Variants in NBPF26 observed in about 807,000 individuals in gnomAD.
The protein encoded by NBPF26 is NBPF family member NBPF26.
Under a neutral mutation model 119.6 loss-of-function variants are expected in NBPF26, and 79 were observed. The ratio of observed to expected loss-of-function variants is 0.66; its 90% CI spans 0.55 to 0.80. The LOEUF (loss-of-function observed/expected upper bound fraction) is 0.80, where lower values mean the gene tolerates loss of function less well. Among genes scored for constraint, NBPF26 ranks in the 30% least tolerant of loss-of-function variants. The pLI, the probability that NBPF26 is intolerant of heterozygous loss-of-function variation, is 0.00. For synonymous variants in NBPF26, 299 were observed against 457.7 expected, an observed-to-expected ratio of 0.65 and a Z score of 4.43; for missense variants, 800 against 1,198.2, an observed-to-expected ratio of 0.67 and a Z score of 4.91.
rs1235333998 is a variant in NBPF26, at chr1:120,807,968, T to A, written c.1064+259T>A. Among the ~76,000 whole-genome samples, 19 of 121,080 alleles carry A rather than the reference T, an allele frequency of 1.6e-4. 4 individuals carry two copies. Among genetic ancestry groups the A allele is most frequent in the Non-Finnish European group, 2.7e-4 (16 of 60,188 alleles). The allele number at this position is 121,080 out of a possible 152,430, so 79.4% of individuals were successfully genotyped here. A position where few individuals can be genotyped will look rare whatever the true frequency, so the allele number is the denominator to read the frequency against. ...TGTGAAATTTACATAACACAAAATT[T>A]ACCAAAGGAGTGGGAACCACCCAGC... On this transcript the variant is annotated intron_variant, in intron 6 of 29. Coordinates refer to ENST00000620612, the Ensembl canonical transcript of NBPF26.
chr1:120,812,188 C>T lies in NBPF26; in HGVS notation c.1774+93C>T, dbSNP rs1651885512. On this transcript the variant is annotated intron_variant, in intron 10 of 29. Transcript: ENST00000620612. ...ATGCTCTCTCCATCAAAAATAATGTCATCCTCCCCGTACTTCTAGGAAAAC... is the reference window on the plus strand; with the variant it reads ...ATGCTCTCTCCATCAAAAATAATGTTATCCTCCCCGTACTTCTAGGAAAAC... The T allele has an allele frequency of 3.4e-6, 3 of 894,850 alleles. 1 individual carries two copies. Among genetic ancestry groups the T allele is most frequent in the Non-Finnish European group, 1.7e-6 (1 of 588,364 alleles). The allele number at this position is 894,850 out of a possible 1,614,324, so 55.4% of individuals were successfully genotyped here.
Position 120,764,280 on chromosome 1 carries a change from A to T in NBPF26, c.155+571A>T, listed in dbSNP as rs1182048706. ...ATAAAAAAAATATATAAAAAAATAT[A>T]TATTAGATTCCCTTGTGTTTTTCAG... On this transcript the variant is annotated intron_variant, in intron 2 of 29. Coordinates refer to ENST00000620612, the Ensembl canonical transcript of NBPF26. Among the ~76,000 whole-genome samples the T allele has an allele frequency of 3.7e-5, 4 of 107,514 alleles. 1 individual carries two copies. The highest frequency in any genetic ancestry group is 3.6e-4 in the Admixed American group (4 of 11,234). 70.5% of individuals were successfully genotyped at this position (107,514 alleles called of 152,430 possible). A position where few individuals can be genotyped will look rare whatever the true frequency, so the allele number is the denominator to read the frequency against.
intron 2 of NBPF26, among the ~76,000 whole-genome samples, chr1:120,768,136 G>T (rs1351626074): frequency 9.3e-6 from 1 of 107,834 alleles, no homozygotes; most frequent in Non-Finnish European, 1.7e-5. Context: ...TTTAGGACAC[G>T]TTAGGGTGGG....
In NBPF26 at chr1:120,785,071, C is replaced by A; in HGVS notation, c.253C>A (p.Leu85Met). Residue 85 changes from leucine to methionine, a missense_variant, in exon 3 of 30, where the codon CTG becomes ATG. Coordinates refer to ENST00000620612, the Ensembl canonical transcript of NBPF26. The stretch of plus-strand genomic sequence containing the variant: ...TGGGACTTGTGTGGCCCAGGCCATG[C>A]TGGGGAAAGCCACGTGCCGGTGTGC... 10 of 1,446,040 alleles carry A rather than the reference C, an allele frequency of 6.9e-6. 1 individual carries two copies. The South Asian group carries it at 1.2e-4, about 17-fold the overall frequency. 89.6% of individuals were successfully genotyped at this position (1,446,040 alleles called of 1,614,324 possible). A position where few individuals can be genotyped will look rare whatever the true frequency, so the allele number is the denominator to read the frequency against.
intron 4 of NBPF26, among the ~76,000 whole-genome samples, chr1:120,804,310 T>A (rs1270800957): frequency 9.3e-6 from 1 of 108,096 alleles, no homozygotes; most frequent in Admixed American, 9.0e-5. Context: ...TCCTCTCACC[T>A]CAAACTCACC....
At chr1:120,724,394 G>A in intron 1 of NBPF26, 144 bp downstream of exon 1, 1 of 1,348,660 alleles carries the variant, frequency 7.4e-7, no homozygotes, top group Non-Finnish European at 9.7e-7. Flanking sequence ...GTTCCCAAGA[G>A]TTTGGACATC....
In NBPF26 at chr1:120,724,286, C is replaced by T. The variant is rs1260427747; in HGVS notation, c.73+36C>T. On this transcript the variant is annotated intron_variant, in intron 1 of 29. Coordinates refer to ENST00000620612, the Ensembl canonical transcript of NBPF26. ...GGCTGAGGGGCGCTGTCCGCGGCGC[C>T]CGGGGCTGCCACCTGGGGCGACCCT... The T allele has an allele frequency of 4.4e-6, 6 of 1,373,502 alleles. 2 individuals carry two copies. Among genetic ancestry groups the T allele is most frequent in the Non-Finnish European group, 5.7e-6 (6 of 1,053,032 alleles). 85.1% of individuals were successfully genotyped at this position (1,373,502 alleles called of 1,614,324 possible).
rs1331177143 is a variant in NBPF26 at position 120,840,147 on chromosome 1, C to CTG, written c.4104-202_4104-201insGT. Among the ~76,000 whole-genome samples, 9 of 70,350 alleles carry CTG rather than the reference C, an allele frequency of 1.3e-4. 1 individual carries two copies. The highest frequency in any genetic ancestry group is 2.0e-4 in the Non-Finnish European group (8 of 39,590). The allele number at this position is 70,350 out of a possible 152,430, so 46.2% of individuals were successfully genotyped here. On this transcript the variant is annotated intron_variant, in intron 29 of 29. Transcript: ENST00000620612. ...TTTCTCTCTGTCTCTGTCTCTGTCT[C>CTG]TCTCTCTGTCTTTCTCTTTCATTGT...
chr1:120,793,188 G>A, exon 4 of NBPF26: 1 of 1,440,936 alleles, frequency 6.9e-7, no homozygotes, highest in South Asian at 1.2e-5. Flanking sequence ...ACCGATGCCT[G>A]CCTGTCTCAT....
intron 2 of NBPF26, among the ~76,000 whole-genome samples, chr1:120,767,621 T>C (rs1651208281): frequency 1.1e-5 from 1 of 87,798 alleles, no homozygotes; most frequent in Admixed American, 1.2e-4. Context: ...TACTGTCAAA[T>C]CTTAATAAAG....
intron 5 of NBPF26, among the ~76,000 whole-genome samples, chr1:120,805,997 T>TA (rs1277407504): frequency 1.8e-5 from 2 of 109,946 alleles, no homozygotes; most frequent in African/African-American, 1.0e-4. Flanking sequence ...AACTCACAGT[T>TA]ATTGATTTCT....
intron 2 of NBPF26, among the ~76,000 whole-genome samples, chr1:120,781,408 A>G (rs2101445495): frequency 3.9e-5 from 1 of 25,704 alleles, no homozygotes; most frequent in East Asian, 7.4e-4. Flanking sequence ...AACATGTGTT[A>G]AGCCTTTTTC....
rs1198125809 is a variant in NBPF26 at position 120,793,660 on chromosome 1, G to T, written c.751+164G>T. 9.8e-6 allele frequency: 6 copies of T among 612,406 alleles called. 1 individual carries two copies. Among genetic ancestry groups the T allele is most frequent in the Non-Finnish European group, 1.4e-5 (5 of 345,656 alleles). 37.9% of individuals were successfully genotyped at this position (612,406 alleles called of 1,614,324 possible). ...GGGAGGAGTTTTATGGGCCCACTGT[G>T]GTCCATAAACTGAGCAGGGGATAAT... On this transcript the variant is annotated intron_variant, in intron 4 of 29. Transcript: ENST00000620612.
At chr1:120,830,049 A>G (rs2101546048) in intron 19 of NBPF26, among the ~76,000 whole-genome samples, 1 of 121,926 alleles carries the variant, frequency 8.2e-6, no homozygotes, top group East Asian at 2.1e-4. Flanking sequence ...TGGCAACTGC[A>G]TGGAATCTTG....
At chr1:120,781,704 C>T (rs1651363268) in intron 2 of NBPF26, among the ~76,000 whole-genome samples, 1 of 82,440 alleles carries the variant, frequency 1.2e-5, no homozygotes, top group Admixed American at 1.2e-4. Flanking sequence ...GCTGGGACTA[C>T]AGGCGCCTGC....
chr1:120,777,659 CT>C (rs1222639788), intron 2 of NBPF26, among the ~76,000 whole-genome samples: 42,142 of 54,790 alleles, frequency 0.77, 17,492 homozygotes, highest in African/African-American at 0.88. Context: ...TTTTTTCTTT[CT>C]TTTTTTTTTG....
intron 4 of NBPF26, among the ~76,000 whole-genome samples, chr1:120,794,866 A>G (rs1407936812): frequency 3.4e-5 from 1 of 29,274 alleles, no homozygotes; most frequent in Non-Finnish European, 5.9e-5. Context: ...TATTTTCTTA[A>G]CATAATATTA....
chr1:120,762,471 T>C (rs1173862231), intron 1 of NBPF26, among the ~76,000 whole-genome samples: 1 of 108,476 alleles, frequency 9.2e-6, no homozygotes, highest in African/African-American at 5.1e-5. Context: ...CTAGCGTCTC[T>C]CTGATCTTGC....
intron 16 of NBPF26, among the ~76,000 whole-genome samples, chr1:120,822,642 TC>T (rs1169927019): frequency 9.4e-6 from 1 of 106,354 alleles, no homozygotes; most frequent in Non-Finnish European, 1.8e-5. Flanking sequence ...TGAGTTTTGT[TC>T]CCAAAGCATG....
Sources: allele counts gnomAD v4.1 joint callset (sites outside exome capture counted in the v4.1 genomes callset), GRCh38; gene constraint gnomAD v4.1.1; transcripts MANE v1.5; gene names NCBI Gene and HGNC (gene_info 2026-07-23, HGNC 2026-07-21).